Variants in MTCH1 observed in about 807,000 individuals in gnomAD.
MTCH1 encodes the protein mitochondrial carrier 1, also known as mitochondrial carrier homolog 1.
A neutral mutation model predicts 49.3 loss-of-function variants in MTCH1; 23 were observed. The observed-to-expected ratio is 0.47, with a 90% CI of 0.34 to 0.66. MTCH1 has a LOEUF of 0.66. MTCH1 is among the 30% of genes least tolerant of loss of function. The pLI, the probability that MTCH1 is intolerant of heterozygous loss-of-function variation, is 0.01. For synonymous variants in MTCH1, 229 were observed against 215.2 expected (o/e 1.06, Z -0.56); for missense variants, 397 against 532.1 (o/e 0.75, Z 2.50).
rs148332534 is a variant in MTCH1 at position 36,972,959 on chromosome 6, C to T, written c.762-163G>A. On this transcript the variant is annotated intron_variant, in intron 7 of 11. Coordinates refer to ENST00000373627, the MANE Select transcript of MTCH1 (RefSeq NM_001271641.2). The surrounding 1 kb of genome is among the most constrained non-coding windows in gnomAD (Gnocchi z 4.1). ...CTGCAGGGTCCAGCAGCTATGCACA[C>T]TGGGAAGATAGTGCTCCTTTTCCCA... is the stretch of plus-strand genomic sequence containing the variant. Among the ~76,000 whole-genome samples the T allele has an allele frequency of 3.0e-3, 454 of 152,260 alleles. 9 individuals are homozygous for T. The highest frequency in any genetic ancestry group is 0.021 in the Admixed American group (325 of 15,306).
chr6:36,985,774 C>T, intron 1 of MTCH1, 79 bp downstream of exon 1: 2 of 1,187,596 alleles, frequency 1.7e-6, no homozygotes, highest in Non-Finnish European at 2.2e-6. Context: ...CCATTGACTG[C>T]CCGCCCCAAT....
Position 36,977,567 on chromosome 6 carries a change from G to A in MTCH1, c.649+67C>T, listed in dbSNP as rs1763928117. 8.9e-7 allele frequency: 1 copy of A among 1,127,402 alleles called. No homozygotes were observed. Among genetic ancestry groups the A allele is most frequent in the South Asian group, 1.4e-5 (1 of 73,510 alleles). 69.8% of individuals were successfully genotyped at this position (1,127,402 alleles called of 1,614,324 possible). On this transcript the variant is annotated intron_variant, in intron 5 of 11. Coordinates refer to ENST00000373627, the MANE Select transcript of MTCH1 (RefSeq NM_001271641.2). This position sits in a 1 kb window ranked among gnomAD's most constrained non-coding sequence, Gnocchi z 5.4. ...GCTGTCTATGTACAGTCCACGAGGG[G>A]GCGCCCCTCACCCCACGCCCCCGAC...
At chr6:36,985,435 T>G (rs1310473829) in intron 1 of MTCH1, among the ~76,000 whole-genome samples, 1 of 151,122 alleles carries the variant, frequency 6.6e-6, no homozygotes, top group Middle Eastern at 3.2e-3. Flanking sequence ...CCTCCCCATC[T>G]CTTCACCCAA....
chr6:36,979,912 G>A lies in MTCH1; in HGVS notation c.407-1301C>T, dbSNP rs3778023. ...GGAACAAGTGAGAGCGGAGGGAGGC[G>A]TGCTGAAATGCCTGCAGGGGCCTCT... On this transcript the variant is annotated intron_variant, in intron 2 of 11. Transcript: ENST00000373627. Among the ~76,000 whole-genome samples, 7 of 152,158 alleles carry A rather than the reference G, an allele frequency of 4.6e-5. No individual in the cohort carries two copies. In the East Asian group the frequency reaches 7.7e-4, roughly 17 times the overall value.
chr6:36,970,892 G>A (rs1415454164), intron 8 of MTCH1, 198 bp from the exon 9 acceptor site: 17 of 644,408 alleles, frequency 2.6e-5, no homozygotes, highest in Non-Finnish European at 4.4e-5. Flanking sequence ...AGGGAGTCCC[G>A]AGAAGGAGAC....
chr6:36,978,283 G>T, intron 3 of MTCH1, 128 bp from the exon 4 acceptor site: 3 of 917,318 alleles, frequency 3.3e-6, no homozygotes, highest in East Asian at 2.6e-5. Context: ...CCCACCTCAG[G>T]TAACCTCCAG....
chr6:36,970,589 C>T, intron 9 of MTCH1, 58 bp downstream of exon 9: 1 of 1,611,882 alleles, frequency 6.2e-7, no homozygotes, highest in Non-Finnish European at 8.5e-7. Flanking sequence ...GGTTGGCCTC[C>T]TAGGCCCCGC....
In MTCH1 at chr6:36,977,656, G is replaced by A; in HGVS notation, c.627C>T (p.Arg209=). ...TACCATGCAGGGGGTGGGCCAACAT[G>A]CGGGACACACACTGCATCATCATCT... is the stretch of plus-strand genomic sequence containing the variant. The part of the protein sequence containing the change: ...SYEMMMQCVS[R]MLAHPLHVIS... Residue 209 remains arginine (R), a synonymous_variant, in exon 5 of 12, where the codon CGC becomes CGT. Coordinates refer to ENST00000373627, the MANE Select transcript of MTCH1 (RefSeq NM_001271641.2). This position sits in a 1 kb window ranked among gnomAD's most constrained non-coding sequence, Gnocchi z 5.4. The A allele has an allele frequency of 1.2e-6, 2 of 1,611,142 alleles. No homozygotes were observed. Among genetic ancestry groups the A allele is most frequent in the East Asian group, 2.2e-5 (1 of 44,794 alleles).
At position 36,972,748 on chromosome 6, in the gene MTCH1, A is replaced by G; in HGVS notation, c.810T>C (p.Cys270=). ...CATTGATGAAGTGGGCCAGCAGGTT[A>G]CAGCCCCACAAGAAAACCACATCGC... ...LLGDVVFLWG[C]NLLAHFINAY... Residue 270 remains cysteine, a synonymous_variant, in exon 8 of 12, where the codon TGT becomes TGC. Transcript: ENST00000373627. This position sits in a 1 kb window ranked among gnomAD's most constrained non-coding sequence, Gnocchi z 4.1. 6.4e-7 allele frequency: 1 copy of G among 1,553,740 alleles called. No individual in the cohort carries two copies. Among genetic ancestry groups the G allele is most frequent in the Non-Finnish European group, 8.7e-7 (1 of 1,147,936 alleles).
At position 36,977,590 on chromosome 6, in the gene MTCH1, G is replaced by A. The variant is rs553163764; in HGVS notation, c.649+44C>T. On this transcript the variant is annotated intron_variant, in intron 5 of 11. Transcript: ENST00000373627. This position sits in a 1 kb window ranked among gnomAD's most constrained non-coding sequence, Gnocchi z 5.4. ...GGGGCGCCCCTCACCCCACGCCCCC[G>A]ACGCCAGCTTAGATACAGTCTCGGG... 2.7e-5 allele frequency: 39 copies of A among 1,451,430 alleles called. No homozygotes were observed. Among genetic ancestry groups the A allele is most frequent in the Admixed American group, 5.5e-5 (3 of 54,670 alleles). 89.9% of individuals were successfully genotyped at this position (1,451,430 alleles called of 1,614,324 possible).
At chr6:36,969,644 GC>G in intron 11 of MTCH1, 1 of 1,189,768 alleles carries the variant, frequency 8.4e-7, no homozygotes, top group Non-Finnish European at 1.1e-6. Context: ...TCCAATGCCA[GC>G]CGCCCTAACA....
chr6:36,984,178 A>G (rs1764208120), intron 1 of MTCH1, among the ~76,000 whole-genome samples: 1 of 146,056 alleles, frequency 6.8e-6, no homozygotes, highest in South Asian at 2.2e-4. Context: ...GTCTCATTCC[A>G]TCAGTTTCCA....
At chr6:36,975,781 G>C in intron 6 of MTCH1, 64 bp from the exon 7 acceptor site, 1 of 1,496,616 alleles carries the variant, frequency 6.7e-7, no homozygotes, top group Non-Finnish European at 9.3e-7. Flanking sequence ...CCACCCGTTG[G>C]TGTGGGGCTG....
chr6:36,978,063 ACT>A lies in MTCH1; in HGVS notation c.591+13_591+14del. On this transcript the variant is annotated intron_variant, in intron 4 of 11. Transcript: ENST00000373627. ...CCCTCCACGCACCTCTCCCTCTCCA[ACT>A]CTCAACACCCACCTCCTTCACAACT... 1.2e-6 allele frequency: 2 copies of A among 1,603,720 alleles called. No individual in the cohort carries two copies. The highest frequency in any genetic ancestry group is 1.7e-6 in the Non-Finnish European group (2 of 1,170,834).
At chr6:36,985,092 C>T (rs1296181280) in intron 1 of MTCH1, among the ~76,000 whole-genome samples, 1 of 149,234 alleles carries the variant, frequency 6.7e-6, no homozygotes, top group African/African-American at 2.5e-5. Context: ...CCCCCATACG[C>T]GTCACCCTGT....
intron 6 of MTCH1, among the ~76,000 whole-genome samples, chr6:36,976,909 G>GA (rs1030124961): frequency 3.3e-5 from 5 of 152,196 alleles, no homozygotes; most frequent in Admixed American, 6.5e-5. Context: ...CTAAGTGGCA[G>GA]AATCAGCTCT....
chr6:36,974,457 G>A (rs1279422204), intron 7 of MTCH1, among the ~76,000 whole-genome samples: 1 of 152,106 alleles, frequency 6.6e-6, no homozygotes, highest in Non-Finnish European at 1.5e-5. Context: ...CTCCCGCCTT[G>A]GTCTCCTGAC....
At chr6:36,976,507 A>C (rs1043808148) in intron 6 of MTCH1, 1 of 470,888 alleles carries the variant, frequency 2.1e-6, no homozygotes, top group African/African-American at 2.0e-5. Context: ...CCTCATAATC[A>C]GTCTAGGGGA....
Position 36,977,583 on chromosome 6 carries a change from C to T in MTCH1, c.649+51G>A, listed in dbSNP as rs374803228. 1.5e-5 allele frequency: 20 copies of T among 1,361,880 alleles called. No homozygotes were observed. The African/African-American group carries it at 2.1e-4, about 15-fold the overall frequency. 84.4% of individuals were successfully genotyped at this position (1,361,880 alleles called of 1,614,324 possible). A position where few individuals can be genotyped will look rare whatever the true frequency, so the allele number is the denominator to read the frequency against. ...CCACGAGGGGGCGCCCCTCACCCCA[C>T]GCCCCCGACGCCAGCTTAGATACAG... is the stretch of plus-strand genomic sequence containing the variant. On this transcript the variant is annotated intron_variant, in intron 5 of 11. Transcript: ENST00000373627. The surrounding 1 kb of genome is among the most constrained non-coding windows in gnomAD (Gnocchi z 5.4).
Sources: gnomAD v4.1 joint callset for allele counts (sites outside exome capture counted in the v4.1 genomes callset) on GRCh38, gnomAD v4.1.1 for gene constraint, Gnocchi (gnomAD v3.1) non-coding constraint, MANE v1.5 for transcripts, NCBI Gene and HGNC (gene_info 2026-07-23, HGNC 2026-07-21) for gene names.